The following SASH1 variants were observed in gnomAD, a reference collection of about 807,000 sequenced individuals.
SASH1 encodes the protein SAM and SH3 domain containing 1.
In SASH1, 44 loss-of-function variants were observed where a neutral mutation model predicts 125.2. The observed-to-expected ratio is 0.35, with a 90% CI of 0.28 to 0.45. The LOEUF is 0.45. SASH1 is among the 20% of genes least tolerant of loss of function. The probability of loss-of-function intolerance (pLI) is 1.00; values close to 1 mark genes in which losing one functional copy is unlikely to be tolerated. For synonymous variants in SASH1, 639 were observed against 649.1 expected, an observed-to-expected ratio of 0.98 and a Z score of 0.24; for missense variants, 1,426 against 1,614.5, an observed-to-expected ratio of 0.88 and a Z score of 2.00.
chr6:148,357,553 G>T (rs1781993692), intron 1 of SASH1, among the ~76,000 whole-genome samples: 1 of 152,084 alleles, frequency 6.6e-6, no homozygotes, highest in African/African-American at 2.4e-5. Flanking sequence ...TTGGATGCCA[G>T]TGTGGGTCAG....
At chr6:148,498,042 C>T (rs1239823156) in intron 8 of SASH1, among the ~76,000 whole-genome samples, 2 of 151,932 alleles carry the variant, frequency 1.3e-5, no homozygotes, top group African/African-American at 4.8e-5. Context: ...CTGATTTCTG[C>T]AGTTTCAGGA....
the SASH1 span, among the ~76,000 whole-genome samples, chr6:148,231,625 T>A: frequency 3.9e-5 from 6 of 152,338 alleles, no homozygotes; most frequent in African/African-American, 1.4e-4. Context: ...TTCACAGGCT[T>A]AAAATGTTGC....
At chr6:148,369,966 C>CAAAAAAAAAAAAAAAAAAAAAAAAA (rs562924566) in intron 1 of SASH1, among the ~76,000 whole-genome samples, 4 of 93,540 alleles carry the variant, frequency 4.3e-5, no homozygotes, top group African/African-American at 8.5e-5. Flanking sequence ...AAAAGAAAAA[C>CAAAAAAAAAAAAAAAAAAAAAAAAA]AAAAAAAAAA....
chr6:148,217,947 T>C, the SASH1 span, among the ~76,000 whole-genome samples: 1 of 150,732 alleles, frequency 6.6e-6, no homozygotes, highest in Admixed American at 6.7e-5. Flanking sequence ...CTCTGGAGTT[T>C]GAGGCTGCAG....
intron 1 of SASH1, among the ~76,000 whole-genome samples, chr6:148,275,149 C>A (rs1779152058): frequency 6.6e-6 from 1 of 152,190 alleles, no homozygotes; most frequent in Non-Finnish European, 1.5e-5. Flanking sequence ...AGAGAATCTG[C>A]TACAAGCATC....
At chr6:148,221,061 G>A in the SASH1 span, among the ~76,000 whole-genome samples, 3 of 152,226 alleles carry the variant, frequency 2.0e-5, no homozygotes, top group Admixed American at 2.0e-4. Context: ...TCTGGGACTT[G>A]AAAATGCTTT....
chr6:148,386,153 G>C (rs1381167374), intron 1 of SASH1, among the ~76,000 whole-genome samples: 2 of 152,034 alleles, frequency 1.3e-5, no homozygotes, highest in Admixed American at 1.3e-4. Flanking sequence ...AGTGTGGAGG[G>C]AGGGGAACCA....
At chr6:148,356,494 C>CTTTT in intron 1 of SASH1, among the ~76,000 whole-genome samples, 1 of 116,284 alleles carries the variant, frequency 8.6e-6, no homozygotes, top group Non-Finnish European at 1.7e-5. Context: ...ACTTTTAGTT[C>CTTTT]TTTTTTTTTT....
chr6:148,547,827 C>A (rs778769971), intron 19 of SASH1, among the ~76,000 whole-genome samples: 30 of 152,142 alleles, frequency 2.0e-4, no homozygotes, highest in Non-Finnish European at 3.5e-4. Context: ...TTAAATTCTT[C>A]ATAACTTGTA....
chr6:148,429,709 C>G (rs1317663847), intron 2 of SASH1, among the ~76,000 whole-genome samples: 3 of 152,002 alleles, frequency 2.0e-5, no homozygotes, highest in Non-Finnish European at 4.4e-5. Flanking sequence ...CACCACGGTA[C>G]TCCAGCCTGG....
At chr6:148,272,514 C>A in intron 1 of SASH1, 1 of 337,688 alleles carries the variant, frequency 3.0e-6, no homozygotes, top group Non-Finnish European at 6.7e-6. Flanking sequence ...TTCAGTGCTA[C>A]TGATGAATTC....
chr6:148,312,696 C>T (rs749235069), intron 1 of SASH1, among the ~76,000 whole-genome samples: 61 of 152,160 alleles, frequency 4.0e-4, no homozygotes, highest in Non-Finnish European at 6.3e-4. Flanking sequence ...AATTAAACTA[C>T]CTAATGCATA....
intron 12 of SASH1, among the ~76,000 whole-genome samples, chr6:148,531,312 A>AAT (rs1301476543): frequency 6.6e-6 from 1 of 152,182 alleles, no homozygotes; most frequent in Non-Finnish European, 1.5e-5. Flanking sequence ...GAGAATGAGA[A>AAT]ATAGTATTTG....
intron 8 of SASH1, among the ~76,000 whole-genome samples, 184 bp downstream of exon 8, chr6:148,487,899 G>A (rs1230244210): frequency 6.7e-6 from 1 of 149,238 alleles, no homozygotes; most frequent in Non-Finnish European, 1.5e-5. Flanking sequence ...TCAAAATAGT[G>A]TTATCATGCT....
intron 8 of SASH1, among the ~76,000 whole-genome samples, chr6:148,503,771 AAAAG>A (rs1779656225): frequency 1.3e-5 from 2 of 151,924 alleles, no homozygotes; most frequent in South Asian, 4.2e-4. Flanking sequence ...AAAAAAAAAA[AAAAG>A]AAACATACAG....
At position 148,544,801 on chromosome 6, in the gene SASH1, G is replaced by A; in HGVS notation, c.3331G>A (p.Glu1111Lys). 1.3e-6 allele frequency: 2 copies of A among 1,593,230 alleles called. No homozygotes were observed. Among genetic ancestry groups the A allele is most frequent in the South Asian group, 2.3e-5 (2 of 87,916 alleles). ...LHAEGIDLTE[E>K]PYSDKHGRCG... ...CGCTGAAGGCATCGATCTCACGGAGGAGCCGTATTCTGATAAGGTATCAAA... is the reference window on the plus strand; with the variant it reads ...CGCTGAAGGCATCGATCTCACGGAGAAGCCGTATTCTGATAAGGTATCAAA... The change falls in exon 18 of 20, where the codon GAG becomes AAG. Residue 1111 changes from glutamate to lysine, a missense_variant. Physicochemically the swap from Glu to Lys is moderately conservative, Grantham distance 56 (BLOSUM62 1). Coordinates refer to ENST00000367467, the MANE Select transcript of SASH1 (RefSeq NM_015278.5). The surrounding 1 kb of genome is among the most constrained non-coding windows in gnomAD (Gnocchi z 6.4).
chr6:148,521,540 TC>T (rs1308990014), intron 10 of SASH1, among the ~76,000 whole-genome samples: 2 of 152,240 alleles, frequency 1.3e-5, no homozygotes, highest in Non-Finnish European at 2.9e-5. Context: ...ATGTTGACTT[TC>T]CTTATTTTCT....
At chr6:148,300,447 T>C (rs1779908591) in intron 1 of SASH1, among the ~76,000 whole-genome samples, 3 of 15,500 alleles carry the variant, frequency 1.9e-4, no homozygotes, top group Non-Finnish European at 2.9e-4. Flanking sequence ...ACAAGATTTT[T>C]TTTTTTTTTT....
intron 6 of SASH1, among the ~76,000 whole-genome samples, chr6:148,472,244 G>A (rs1026281129): frequency 6.6e-6 from 1 of 152,104 alleles, no homozygotes; most frequent in African/African-American, 2.4e-5. Flanking sequence ...TTAGTGTCCT[G>A]TGCTGTGTGG....
Sources: allele counts gnomAD v4.1 joint callset (sites outside exome capture counted in the v4.1 genomes callset), GRCh38; gene constraint gnomAD v4.1.1; non-coding constraint Gnocchi (gnomAD v3.1); transcripts MANE v1.5; gene names NCBI Gene and HGNC (gene_info 2026-07-23, HGNC 2026-07-21).